The following CSGALNACT1 variants were observed in gnomAD, a reference collection of about 807,000 sequenced individuals.
CSGALNACT1 encodes the protein chondroitin sulfate N-acetylgalactosaminyltransferase 1.
A neutral mutation model predicts 51.0 loss-of-function variants in CSGALNACT1; 52 were observed. That is an observed-to-expected ratio of 1.02 (90% CI 0.82 to 1.29). CSGALNACT1 has a LOEUF of 1.29. Among genes scored for constraint, CSGALNACT1 ranks in the 50% most tolerant of loss-of-function variants. The probability of loss-of-function intolerance (pLI) is 0.00; values close to 1 mark genes in which losing one functional copy is unlikely to be tolerated. For missense variants in CSGALNACT1, 935 were observed against 679.2 expected (o/e 1.38, Z -4.19); for synonymous variants, 341 against 254.4 (o/e 1.34, Z -3.24).
At chr8:19,628,043 T>TA (rs2054671174) in intron 1 of CSGALNACT1, among the ~76,000 whole-genome samples, 1 of 152,150 alleles carries the variant, frequency 6.6e-6, no homozygotes, top group African/African-American at 2.4e-5. Context: ...CAAAATAAGA[T>TA]AAAAAGGAGC....
Position 19,734,615 on chromosome 8 carries a change from C to A in CSGALNACT1, c.-297+23235G>T, listed in dbSNP as rs78901944. Among the ~76,000 whole-genome samples the A allele has an allele frequency of 7.8e-3, 1,191 of 152,208 alleles. 14 individuals carry two copies. Among genetic ancestry groups the A allele is most frequent in the African/African-American group, 0.027 (1,122 of 41,504 alleles). On this transcript the variant is annotated intron_variant, in intron 1 of 1. Coordinates refer to the CSGALNACT1 transcript ENST00000517494. ...CTTGTCTGAAGTTTTTCTTTTAACACAAGAAAGAGAAGAATTCTGAAGTAC... is the reference window on the plus strand; with the variant it reads ...CTTGTCTGAAGTTTTTCTTTTAACAAAAGAAAGAGAAGAATTCTGAAGTAC...
rs188417680 is a variant in CSGALNACT1 at position 19,640,270 on chromosome 8, T to C, written c.-543-38405A>G. Reference sequence around the variant, plus strand: ...ACTTTATGAAATGTATTTATACATATGTACATTTACATATATTACACATGT... The same window carrying C: ...ACTTTATGAAATGTATTTATACATACGTACATTTACATATATTACACATGT... On this transcript the variant is annotated intron_variant, in intron 1 of 9. Coordinates refer to the CSGALNACT1 transcript ENST00000332246. Among the ~76,000 whole-genome samples the C allele has an allele frequency of 4.3e-3, 658 of 152,356 alleles. 4 individuals carry two copies. The highest frequency in any genetic ancestry group is 0.014 in the Middle Eastern group (4 of 294).
exon 10 of CSGALNACT1, chr8:19,404,182 T>TATTAGCTG (rs2053709596): frequency 2.8e-6 from 1 of 357,076 alleles, no homozygotes; most frequent in Non-Finnish European, 5.5e-6. Flanking sequence ...AATCATATTT[T>TATTAGCTG]ATTAGCTGTG....
chr8:19,708,358 A>G (rs2062303954), intron 1 of CSGALNACT1, among the ~76,000 whole-genome samples: 2 of 152,304 alleles, frequency 1.3e-5, no homozygotes, highest in South Asian at 4.1e-4. Context: ...TATCATCAGT[A>G]GCCATGTCAA....
At chr8:19,552,176 G>C (rs1223647120) in intron 3 of CSGALNACT1, among the ~76,000 whole-genome samples, 2 of 152,112 alleles carry the variant, frequency 1.3e-5, no homozygotes, top group Non-Finnish European at 2.9e-5. Context: ...AGACTAATGA[G>C]GGATTTAATA....
chr8:19,541,862 A>T (rs2085258554), intron 3 of CSGALNACT1, among the ~76,000 whole-genome samples: 1 of 152,162 alleles, frequency 6.6e-6, no homozygotes, highest in Non-Finnish European at 1.5e-5. Flanking sequence ...AGAAGAATGA[A>T]GGGCCACTGT....
At chr8:19,535,392 A>T (rs1305839426) in intron 3 of CSGALNACT1, among the ~76,000 whole-genome samples, 2 of 152,192 alleles carry the variant, frequency 1.3e-5, no homozygotes, top group Admixed American at 1.3e-4. Context: ...CCAAAAGAGC[A>T]GTGAAAAATT....
At chr8:19,553,902 AACACACAC>A (rs34664028) in intron 3 of CSGALNACT1, among the ~76,000 whole-genome samples, 1 of 147,460 alleles carries the variant, frequency 6.8e-6, no homozygotes, top group Non-Finnish European at 1.5e-5. Flanking sequence ...GAACTCGTAG[AACACACAC>A]ACACACACAC....
intron 3 of CSGALNACT1, among the ~76,000 whole-genome samples, chr8:19,554,912 T>C (rs2089319128): frequency 2.0e-5 from 3 of 151,690 alleles, no homozygotes; most frequent in Admixed American, 2.0e-4. Flanking sequence ...AGGGAGACTC[T>C]GTCTCAAAAA....
chr8:19,428,206 AC>A lies in CSGALNACT1; in HGVS notation c.954-7689del, dbSNP rs2059080458. ...TTTCCCACACAATACCCGAATGTACACCAGCATCGGAGTCTGTATCAGTCTG... is the reference window on the plus strand; with the variant it reads ...TTTCCCACACAATACCCGAATGTACACAGCATCGGAGTCTGTATCAGTCTG... On this transcript the variant is annotated intron_variant, in intron 6 of 9. Transcript: ENST00000454498. Among the ~76,000 whole-genome samples the A allele has an allele frequency of 3.3e-5, 5 of 152,132 alleles. No individual in the cohort carries two copies. The South Asian group carries it at 1.0e-3, about 32-fold the overall frequency.
In CSGALNACT1 at chr8:19,589,814, G is replaced by A. The variant is rs557156745; in HGVS notation, c.-297+1346C>T. ...ACAGCATCCTTCTAATGCCTGAAGTGGATAATTACAAAATATGTTGCAGCC... is the reference window on the plus strand; with the variant it reads ...ACAGCATCCTTCTAATGCCTGAAGTAGATAATTACAAAATATGTTGCAGCC... On this transcript the variant is annotated intron_variant, in intron 3 of 9. Transcript: ENST00000454498. Among the ~76,000 whole-genome samples, 11 of 152,232 alleles carry A rather than the reference G, an allele frequency of 7.2e-5. No individual in the cohort carries two copies. The East Asian group carries it at 1.9e-3, about 27-fold the overall frequency.
chr8:19,623,702 G>A (rs1435488345), intron 1 of CSGALNACT1, among the ~76,000 whole-genome samples: 5 of 152,216 alleles, frequency 3.3e-5, no homozygotes, highest in Admixed American at 2.6e-4. Flanking sequence ...ATCCCCAGGT[G>A]TTTGGATATT....
intron 2 of CSGALNACT1, among the ~76,000 whole-genome samples, chr8:19,593,188 A>G (rs904779945): frequency 2.0e-5 from 3 of 152,242 alleles, no homozygotes; most frequent in Non-Finnish European, 4.4e-5. Context: ...GGGCTTAATG[A>G]CAGGATGTTC....
At chr8:19,626,962 G>A (rs949772193) in intron 1 of CSGALNACT1, among the ~76,000 whole-genome samples, 2 of 152,168 alleles carry the variant, frequency 1.3e-5, no homozygotes, top group Non-Finnish European at 2.9e-5. Flanking sequence ...GTGGGAATGT[G>A]AAATGTACAA....
intron 3 of CSGALNACT1, among the ~76,000 whole-genome samples, chr8:19,553,247 C>T (rs760001453): frequency 2.0e-5 from 3 of 151,936 alleles, no homozygotes; most frequent in Admixed American, 2.0e-4. Context: ...AGCACTAACC[C>T]CAAAGATTGG....
intron 2 of CSGALNACT1, among the ~76,000 whole-genome samples, chr8:19,597,281 CTTTCTTTT>C (rs2049129225): frequency 1.0e-5 from 1 of 98,226 alleles, no homozygotes; most frequent in Non-Finnish European, 1.9e-5. Flanking sequence ...CCTCTATCTT[CTTTCTTTT>C]TTTTTTTTTT....
At chr8:19,731,339 C>T (rs1196253068) in intron 1 of CSGALNACT1, among the ~76,000 whole-genome samples, 2 of 152,122 alleles carry the variant, frequency 1.3e-5, no homozygotes, top group African/African-American at 4.8e-5. Context: ...AAAACTGTGT[C>T]TCTACCAAAA....
At chr8:19,511,808 G>C (rs1159220984) in intron 3 of CSGALNACT1, among the ~76,000 whole-genome samples, 1 of 152,212 alleles carries the variant, frequency 6.6e-6, no homozygotes, top group African/African-American at 2.4e-5. Context: ...TGTACAGGAG[G>C]CATGGCTGGG....
rs115047909 is a variant in CSGALNACT1 at position 19,508,046 on chromosome 8, C to G, written c.-296-1916G>C. Among the ~76,000 whole-genome samples, 1,197 of 152,304 alleles carry G rather than the reference C, an allele frequency of 7.9e-3. 14 individuals are homozygous for G. Among genetic ancestry groups the G allele is most frequent in the African/African-American group, 0.027 (1,128 of 41,562 alleles). On this transcript the variant is annotated intron_variant, in intron 3 of 9. Transcript: ENST00000454498. ...TGATCCTCATGATAACTAAATTATTCTTTATATAGTCTTCACCCGACTCAG... is the reference window on the plus strand; with the variant it reads ...TGATCCTCATGATAACTAAATTATTGTTTATATAGTCTTCACCCGACTCAG...
Sources: gnomAD v4.1 joint callset for allele counts (sites outside exome capture counted in the v4.1 genomes callset) on GRCh38, gnomAD v4.1.1 for gene constraint, MANE v1.5 for transcripts, NCBI Gene and HGNC (gene_info 2026-07-23, HGNC 2026-07-21) for gene names.